NOL8: variants seen among roughly 807,000 people sequenced by gnomAD.
NOL8 encodes the protein nucleolar protein 8, also known as nucleolar protein Nop132.
In NOL8, 93 loss-of-function variants were observed where a neutral mutation model predicts 116.1. The observed-to-expected ratio is 0.80, with a 90% CI of 0.68 to 0.95. The LOEUF is 0.95. Among genes scored for constraint, NOL8 ranks in the 40% least tolerant of loss-of-function variants. The pLI is 0.00. For synonymous variants in NOL8, 419 were observed against 469.0 expected (o/e 0.89, Z 1.38); for missense variants, 1,291 against 1,382.8 (o/e 0.93, Z 1.05).
intron 16 of NOL8, 62 bp downstream of exon 16, chr9:92,298,195 C>A: frequency 1.6e-6 from 2 of 1,275,452 alleles, no homozygotes; most frequent in East Asian, 5.0e-5. Flanking sequence ...CCTTCCAGGA[C>A]TGTAATTCTA....
intron 10 of NOL8, 47 bp downstream of exon 10, chr9:92,310,124 A>G: frequency 7.4e-7 from 1 of 1,348,156 alleles, no homozygotes. Context: ...GTGATTTCTC[A>G]GTGTCCCCAG....
intron 6 of NOL8, among the ~76,000 whole-genome samples, chr9:92,318,103 A>G (rs1839594332): frequency 6.6e-6 from 1 of 151,480 alleles, no homozygotes; most frequent in South Asian, 2.1e-4. Flanking sequence ...TCAGAATTCC[A>G]TGATACCAGG....
rs1322273831 is a variant in NOL8 at position 92,315,482 on chromosome 9, T to C, written c.1143A>G (p.Thr381=). ...RNDREYDSGD[T]DEIIAMKKNV... ...TTTTTTTCATCGCAATAATTTCATC[T>C]GTATCTCCTGAGTCATACTCACGAT... is the stretch of plus-strand genomic sequence containing the variant. Residue 381 remains threonine, a synonymous_variant, in exon 7 of 17, where the codon ACA becomes ACG. Transcript: ENST00000442668. 2 of 1,606,452 alleles carry C rather than the reference T, an allele frequency of 1.2e-6. No homozygotes were observed. Among genetic ancestry groups the C allele is most frequent in the East Asian group, 2.2e-5 (1 of 44,820 alleles).
chr9:92,313,509 A>G (rs998561935), intron 7 of NOL8, among the ~76,000 whole-genome samples: 6 of 152,144 alleles, frequency 3.9e-5, no homozygotes, highest in Non-Finnish European at 8.8e-5. Flanking sequence ...AATAGACACA[A>G]TTAATCTTCT....
At chr9:92,313,625 T>C (rs757093045) in intron 7 of NOL8, among the ~76,000 whole-genome samples, 1 of 152,250 alleles carries the variant, frequency 6.6e-6, no homozygotes, top group Admixed American at 6.5e-5. Context: ...ATTACACTGA[T>C]TGAAAACATT....
chr9:92,309,630 G>A (rs979178562), intron 10 of NOL8, among the ~76,000 whole-genome samples: 16 of 152,116 alleles, frequency 1.1e-4, no homozygotes, highest in Non-Finnish European at 2.9e-5. Flanking sequence ...AAAAAGATTG[G>A]AAGTACTGCT....
At chr9:92,319,500 T>TCTA (rs1839738082) in intron 4 of NOL8, 144 bp from the exon 5 acceptor site, 4 of 677,470 alleles carry the variant, frequency 5.9e-6, no homozygotes, top group Non-Finnish European at 6.7e-6. Context: ...GCTTTCTTAG[T>TCTA]AGCATAATAG....
At chr9:92,318,900 C>T (rs1451480483) in intron 5 of NOL8, 9 of 517,590 alleles carry the variant, frequency 1.7e-5, no homozygotes, top group South Asian at 9.3e-5. Context: ...CCAAGTAAAC[C>T]GTGTAAGATG....
In NOL8 at chr9:92,314,581, A is replaced by T; in HGVS notation, c.2044T>A (p.Leu682Ile). Residue 682 changes from leucine (L) to isoleucine (I), a missense_variant, in exon 7 of 17, where the codon TTA becomes ATA. Transcript: ENST00000442668. Reference protein sequence around the residue: ...ISRPLEGKKSLSLSAKTHNIG... With the variant: ...ISRPLEGKKSISLSAKTHNIG... Reference sequence around the variant, plus strand: ...TTGTGAGTCTTTGCACTAAGACTTAAGGACTTCTTACCTTCTAATGGCCTA... The same window carrying T: ...TTGTGAGTCTTTGCACTAAGACTTATGGACTTCTTACCTTCTAATGGCCTA... 3 of 1,613,008 alleles carry T rather than the reference A, an allele frequency of 1.9e-6. No individual in the cohort carries two copies. Among genetic ancestry groups the T allele is most frequent in the Non-Finnish European group, 2.5e-6 (3 of 1,179,396 alleles).
intron 6 of NOL8, among the ~76,000 whole-genome samples, chr9:92,317,417 A>G (rs1049955295): frequency 2.6e-5 from 4 of 152,234 alleles, no homozygotes; most frequent in Admixed American, 6.5e-5. Context: ...GGAAAGTGGA[A>G]AAGAAGAAAT....
rs531265969 is a variant in NOL8 at position 92,321,040 on chromosome 9, G to A, written c.281+628C>T. Reference sequence around the variant, plus strand: ...ACATTGTCTTGCTCTTAAATCACTTGCATAATCACTCTTATGCCTGTCATA... The same window carrying A: ...ACATTGTCTTGCTCTTAAATCACTTACATAATCACTCTTATGCCTGTCATA... On this transcript the variant is annotated intron_variant, in intron 4 of 16. Transcript: ENST00000442668. 9.2e-5 allele frequency among the ~76,000 whole-genome samples: 14 copies of A among 152,256 alleles called. No homozygotes were observed. The East Asian group carries it at 2.7e-3, about 29-fold the overall frequency.
rs571349884 is a variant in NOL8 at position 92,311,095 on chromosome 9, T to C, written c.2472+51A>G. The C allele has an allele frequency of 3.6e-6, 5 of 1,389,698 alleles. No individual in the cohort carries two copies. In the East Asian group the frequency reaches 1.2e-4, roughly 32 times the overall value. 86.1% of individuals were successfully genotyped at this position (1,389,698 alleles called of 1,614,324 possible). A position where few individuals can be genotyped will look rare whatever the true frequency, so the allele number is the denominator to read the frequency against. On this transcript the variant is annotated intron_variant, in intron 8 of 16. Transcript: ENST00000442668. ...TTGAGATTGCCAGTTGTTTGTGGTG[T>C]GGATCTGCAGAAGTAGATGAATGTC...
intron 5 of NOL8, 186 bp downstream of exon 5, chr9:92,319,035 A>G: frequency 1.7e-6 from 1 of 574,876 alleles, no homozygotes. Flanking sequence ...CTGTAAAATG[A>G]TGGAGAACTA....
intron 3 of NOL8, among the ~76,000 whole-genome samples, chr9:92,322,388 A>T (rs1364867719): frequency 6.6e-6 from 1 of 152,166 alleles, no homozygotes; most frequent in Non-Finnish European, 1.5e-5. Flanking sequence ...TTTGAGACAG[A>T]GTGTCCTTCT....
At chr9:92,306,127 G>T (rs1051169523) in intron 11 of NOL8, among the ~76,000 whole-genome samples, 7 of 152,100 alleles carry the variant, frequency 4.6e-5, no homozygotes, top group African/African-American at 1.7e-4. Context: ...CCAAGTAGCT[G>T]GGATTACAGG....
rs765236671 is a variant in NOL8, at chr9:92,298,273, G to A, written c.3437C>T (p.Thr1146Ile). The change falls in exon 16 of 17, where the codon ACA (threonine) becomes ATA (isoleucine). Residue 1146 changes from threonine (T) to isoleucine (I), a missense_variant. Coordinates refer to ENST00000442668, the MANE Select transcript of NOL8 (RefSeq NM_017948.6). ...ATTACTCACCATACGCAGGTTGGTT[G>A]TTCTGGCCTCCCAAGAGTTCCTGCT... ...NMSRNSWEAR[T>I]TNLRMDCRKK... 6.2e-7 allele frequency: 1 copy of A among 1,607,614 alleles called. No individual in the cohort carries two copies. Among genetic ancestry groups the A allele is most frequent in the Admixed American group, 1.7e-5 (1 of 59,290 alleles).
Position 92,314,484 on chromosome 9 carries a change from G to A in NOL8, c.2141C>T (p.Ser714Leu). The change falls in exon 7 of 17, where the codon TCA becomes TTA. Residue 714 changes from serine to leucine, a missense_variant. Physicochemically the swap from Ser to Leu is moderately radical, Grantham distance 145. Coordinates refer to ENST00000442668, the MANE Select transcript of NOL8 (RefSeq NM_017948.6). ...TTTCTTGAGAGATGTGAGGCCGCTT[G>A]AATCAGACCGCTCTTCCTGTGAAGC... is the stretch of plus-strand genomic sequence containing the variant. ...TEASQEERSD[S>L]SGLTSLKKSP... The A allele has an allele frequency of 1.2e-6, 2 of 1,613,200 alleles. No homozygotes were observed. The highest frequency in any genetic ancestry group is 2.2e-5 in the South Asian group (2 of 91,052).
At chr9:92,318,896 A>G in intron 5 of NOL8, 1 of 551,256 alleles carries the variant, frequency 1.8e-6, no homozygotes, top group Admixed American at 3.8e-5. Context: ...AATCCCAAGT[A>G]AACCGTGTAA....
chr9:92,323,296 T>C lies in NOL8; in HGVS notation c.202+145A>G, dbSNP rs781273185. 9.8e-6 allele frequency: 15 copies of C among 1,536,358 alleles called. No individual in the cohort carries two copies. The East Asian group carries it at 9.8e-5, about 10-fold the overall frequency. On this transcript the variant is annotated intron_variant, in intron 3 of 16. Transcript: ENST00000442668. ...GAATGGACCTAAACCTGCTGAGTTA[T>C]ACGATACTGGAATTCTCTTCATCAC...
Sources: allele counts gnomAD v4.1 joint callset (sites outside exome capture counted in the v4.1 genomes callset), GRCh38; gene constraint gnomAD v4.1.1; transcripts MANE v1.5; gene names NCBI Gene and HGNC (gene_info 2026-07-23, HGNC 2026-07-21).